The following PELI2 variants were observed in gnomAD, a reference collection of about 807,000 sequenced individuals.
PELI2 encodes the protein E3 ubiquitin-protein ligase pellino homolog 2.
A neutral mutation model predicts 42.3 loss-of-function variants in PELI2; 23 were observed. The observed-to-expected ratio is 0.54, with a 90% confidence interval of 0.39 to 0.77. The LOEUF is 0.77. PELI2 is among the 30% of genes least tolerant of loss of function. The probability of loss-of-function intolerance (pLI) is 0.00; values close to 1 mark genes in which losing one functional copy is unlikely to be tolerated. For missense variants in PELI2, 463 were observed against 553.2 expected (o/e 0.84, Z 1.64); for synonymous variants, 245 against 212.2 (o/e 1.15, Z -1.34).
At chr14:56,185,483 T>C (rs1182633856) in intron 2 of PELI2, among the ~76,000 whole-genome samples, 1 of 152,206 alleles carries the variant, frequency 6.6e-6, no homozygotes, top group African/African-American at 2.4e-5. Flanking sequence ...CCAGGCAGTG[T>C]TACTTTCACT....
intron 2 of PELI2, among the ~76,000 whole-genome samples, chr14:56,225,744 TG>T (rs1289589441): frequency 6.6e-6 from 1 of 152,110 alleles, no homozygotes; most frequent in Non-Finnish European, 1.5e-5. Context: ...AAGGAGAGCC[TG>T]GAGAAAACCT....
intron 1 of PELI2, among the ~76,000 whole-genome samples, chr14:56,149,847 A>C (rs1884271475): frequency 6.6e-6 from 1 of 152,150 alleles, no homozygotes; most frequent in Non-Finnish European, 1.5e-5. Context: ...TACTTTCGTT[A>C]AGGACGTTTA....
intron 2 of PELI2, among the ~76,000 whole-genome samples, chr14:56,278,105 A>G (rs1326510965): frequency 6.6e-6 from 1 of 152,226 alleles, no homozygotes; most frequent in Non-Finnish European, 1.5e-5. Context: ...AATGCAATAG[A>G]TACTTTATAG....
chr14:56,174,904 C>T (rs1386053558), intron 1 of PELI2, among the ~76,000 whole-genome samples: 2 of 152,200 alleles, frequency 1.3e-5, no homozygotes, highest in Non-Finnish European at 2.9e-5. Context: ...ACTTGAACTT[C>T]ATACTCTCCA....
intron 2 of PELI2, among the ~76,000 whole-genome samples, chr14:56,265,332 A>G (rs1888860687): frequency 6.6e-6 from 1 of 152,114 alleles, no homozygotes. Context: ...CCATATATAT[A>G]TGGACATGGT....
At chr14:56,125,183 T>C (rs1348990197) in intron 1 of PELI2, among the ~76,000 whole-genome samples, 2 of 152,144 alleles carry the variant, frequency 1.3e-5, no homozygotes, top group Non-Finnish European at 2.9e-5. Context: ...AGACCTAGTT[T>C]CGTGTGATTG....
chr14:56,231,159 G>A (rs1285297010), intron 2 of PELI2, among the ~76,000 whole-genome samples: 3 of 152,020 alleles, frequency 2.0e-5, no homozygotes, highest in Non-Finnish European at 4.4e-5. Flanking sequence ...TAAAGTGGGG[G>A]GACACTTTAA....
chr14:56,147,987 A>G (rs1884194118), intron 1 of PELI2, among the ~76,000 whole-genome samples: 1 of 152,194 alleles, frequency 6.6e-6, no homozygotes, highest in Non-Finnish European at 1.5e-5. Flanking sequence ...GCATTAGATG[A>G]GAAATGTAGA....
chr14:56,178,754 T>C (rs1885476465), intron 2 of PELI2, among the ~76,000 whole-genome samples: 1 of 152,214 alleles, frequency 6.6e-6, no homozygotes, highest in South Asian at 2.1e-4. Context: ...TGGGGAGGGC[T>C]GGGCAGGTAA....
At chr14:56,209,849 C>G (rs1034890304) in intron 2 of PELI2, among the ~76,000 whole-genome samples, 1 of 152,216 alleles carries the variant, frequency 6.6e-6, no homozygotes, top group East Asian at 1.9e-4. Flanking sequence ...AGGTTTGCCA[C>G]TGGTTTTCAA....
chr14:56,177,166 T>C (rs1885412356), intron 1 of PELI2, among the ~76,000 whole-genome samples: 1 of 152,238 alleles, frequency 6.6e-6, no homozygotes, highest in Non-Finnish European at 1.5e-5. Flanking sequence ...ACAGTGATAA[T>C]TTGAAACCAT....
chr14:56,230,404 G>C (rs534566539), intron 2 of PELI2, among the ~76,000 whole-genome samples: 4 of 152,152 alleles, frequency 2.6e-5, no homozygotes, highest in African/African-American at 7.2e-5. Flanking sequence ...CAGATCTCTC[G>C]GCAGAAACCC....
intron 2 of PELI2, among the ~76,000 whole-genome samples, chr14:56,274,004 T>C (rs1889199335): frequency 6.6e-6 from 1 of 152,144 alleles, no homozygotes; most frequent in Non-Finnish European, 1.5e-5. Context: ...AAACATCATG[T>C]CATATTTTAG....
chr14:56,156,337 TAAA>T (rs776597346), intron 1 of PELI2, among the ~76,000 whole-genome samples: 5 of 152,114 alleles, frequency 3.3e-5, no homozygotes, highest in Non-Finnish European at 7.4e-5. Flanking sequence ...TCCTTTCCCT[TAAA>T]AGGCAGTAGG....
chr14:56,254,413 G>C (rs10140463), intron 2 of PELI2, among the ~76,000 whole-genome samples: 1 of 127,456 alleles, frequency 7.8e-6, no homozygotes, highest in African/African-American at 2.8e-5. Context: ...AAAAAAAAAT[G>C]GTGTTGGGAA....
In PELI2 at chr14:56,118,675, C is replaced by T. The variant is rs1298644002; in HGVS notation, c.15C>T (p.Gly5=). 2 of 1,497,912 alleles carry T rather than the reference C, an allele frequency of 1.3e-6. No individual in the cohort carries two copies. Among genetic ancestry groups the T allele is most frequent in the African/African-American group, 1.5e-5 (1 of 68,942 alleles). 92.8% of individuals were successfully genotyped at this position (1,497,912 alleles called of 1,614,324 possible). ...AGCGGGGCTCCATGTTTTCCCCTGG[C>T]CAGGAGGAACACTGCGCCCCCAATA... MFSP[G]QEEHCAPNKE... Residue 5 remains glycine, a synonymous_variant, in exon 1 of 6, where the codon GGC becomes GGT. Transcript: ENST00000267460.
chr14:56,213,287 T>G (rs1482297317), intron 2 of PELI2, among the ~76,000 whole-genome samples: 1 of 152,248 alleles, frequency 6.6e-6, no homozygotes, highest in Admixed American at 6.5e-5. Context: ...TTTATCATCA[T>G]GAATTACTTT....
chr14:56,132,128 C>T (rs1279463397), intron 1 of PELI2, among the ~76,000 whole-genome samples: 1 of 152,082 alleles, frequency 6.6e-6, no homozygotes, highest in Non-Finnish European at 1.5e-5. Context: ...TTACAGCAGC[C>T]CTGGAGGAGG....
intron 2 of PELI2, among the ~76,000 whole-genome samples, chr14:56,204,860 T>G (rs1481809623): frequency 6.6e-6 from 1 of 151,748 alleles, no homozygotes; most frequent in Non-Finnish European, 1.5e-5. Flanking sequence ...TGAAACCCTG[T>G]CTCTACTAAA....
Sources: allele counts gnomAD v4.1 joint callset (sites outside exome capture counted in the v4.1 genomes callset), GRCh38; gene constraint gnomAD v4.1.1; transcripts MANE v1.5; gene names NCBI Gene and HGNC (gene_info 2026-07-23, HGNC 2026-07-21).